The following CHRNA7 variants were observed in gnomAD, a reference collection of about 807,000 sequenced individuals.
The protein encoded by CHRNA7 is cholinergic receptor nicotinic alpha 7 subunit, also known as neuronal acetylcholine receptor subunit alpha-7.
In CHRNA7, 17 loss-of-function variants were observed where a neutral mutation model predicts 48.0. That is an observed-to-expected ratio of 0.35 (90% CI 0.24 to 0.53). The LOEUF (loss-of-function observed/expected upper bound fraction) is 0.53. CHRNA7 is among the 20% of genes least tolerant of loss of function. The probability of loss-of-function intolerance (pLI) is 0.92; values close to 1 mark genes in which losing one functional copy is unlikely to be tolerated. For synonymous variants in CHRNA7, 75 were observed against 242.3 expected (o/e 0.31, Z 6.41); for missense variants, 155 against 577.7 (o/e 0.27, Z 7.50).
chr15:32,082,437 C>G (rs1307781487), intron 2 of CHRNA7, among the ~76,000 whole-genome samples: 1 of 151,830 alleles, frequency 6.6e-6, no homozygotes. Flanking sequence ...TGTTCACAAT[C>G]TCCACCTGTA....
intron 4 of CHRNA7, among the ~76,000 whole-genome samples, chr15:32,144,666 G>C (rs1253969837): frequency 6.6e-6 from 1 of 152,042 alleles, no homozygotes; most frequent in East Asian, 1.9e-4. Flanking sequence ...TCATTAATTT[G>C]ATCTTCAAAC....
At chr15:32,144,891 T>C (rs1227891665) in intron 4 of CHRNA7, among the ~76,000 whole-genome samples, 2 of 152,168 alleles carry the variant, frequency 1.3e-5, no homozygotes, top group Admixed American at 6.5e-5. Flanking sequence ...AAGTTTCTTA[T>C]TGCCGACCTT....
At chr15:32,030,781 CG>C (rs1330334361) in intron 1 of CHRNA7, 116 bp from the exon 2 acceptor site, 3 of 1,504,418 alleles carry the variant, frequency 2.0e-6, no homozygotes, top group South Asian at 2.6e-5. Context: ...GGGGGCGCTG[CG>C]GGGGCTGCTT....
intron 2 of CHRNA7, among the ~76,000 whole-genome samples, chr15:32,089,549 C>T (rs1043745193): frequency 1.1e-4 from 11 of 96,318 alleles, no homozygotes; most frequent in Non-Finnish European, 1.8e-4. Context: ...TCTAGTATTT[C>T]CTTGCAATTC....
chr15:32,059,756 AG>A (rs1327103315), intron 2 of CHRNA7, among the ~76,000 whole-genome samples: 2 of 152,128 alleles, frequency 1.3e-5, no homozygotes, highest in East Asian at 1.9e-4. Context: ...GTTTTCTAAA[AG>A]CTTCTAGATT....
At chr15:32,046,282 C>A (rs551876539) in intron 2 of CHRNA7, among the ~76,000 whole-genome samples, 1 of 149,324 alleles carries the variant, frequency 6.7e-6, no homozygotes, top group African/African-American at 2.5e-5. Context: ...TACAGTCCCA[C>A]CAGCAGTGTA....
intron 2 of CHRNA7, among the ~76,000 whole-genome samples, chr15:32,082,293 C>T (rs1003479255): frequency 6.6e-6 from 1 of 151,980 alleles, no homozygotes; most frequent in African/African-American, 2.4e-5. Flanking sequence ...ACTTTTTCAA[C>T]TCCACCTTCT....
chr15:32,118,571 A>G (rs2050912276), intron 4 of CHRNA7, among the ~76,000 whole-genome samples: 1 of 152,198 alleles, frequency 6.6e-6, no homozygotes, highest in African/African-American at 2.4e-5. Context: ...GCATCTTCAA[A>G]GTCATCCTCC....
intron 2 of CHRNA7, among the ~76,000 whole-genome samples, chr15:32,041,779 A>G (rs925733802): frequency 1.3e-5 from 2 of 152,252 alleles, no homozygotes; most frequent in Non-Finnish European, 2.9e-5. Context: ...GCTGTATCCA[A>G]CCTACTAGTA....
At chr15:32,087,152 A>G (rs1428736619) in intron 2 of CHRNA7, among the ~76,000 whole-genome samples, 1 of 152,112 alleles carries the variant, frequency 6.6e-6, no homozygotes, top group Non-Finnish European at 1.5e-5. Flanking sequence ...CCATTTATTT[A>G]TTTAATCATT....
At chr15:32,044,786 G>A (rs925102360) in intron 2 of CHRNA7, among the ~76,000 whole-genome samples, 1 of 152,194 alleles carries the variant, frequency 6.6e-6, no homozygotes, top group African/African-American at 2.4e-5. Flanking sequence ...CAGGGAAGAG[G>A]CTAGGGATGC....
chr15:32,122,528 C>T (rs960739893), intron 4 of CHRNA7, among the ~76,000 whole-genome samples: 1 of 151,894 alleles, frequency 6.6e-6, no homozygotes, highest in African/African-American at 2.4e-5. Flanking sequence ...TGTGTTGTTT[C>T]CTTTATGGAT....
intron 2 of CHRNA7, among the ~76,000 whole-genome samples, chr15:32,058,366 C>T (rs761318868): frequency 1.8e-4 from 28 of 152,282 alleles, no homozygotes; most frequent in East Asian, 1.3e-3. Flanking sequence ...CAGTTATGGG[C>T]ATTGGATTAA....
rs973353245 is a variant in CHRNA7, at chr15:32,031,574, G to C, written c.195+537G>C. ...GTGACCCCATCTTAGGAATGGGCAT[G>C]CTTTGCCTTCCTGGTGAGGACAGGT... On this transcript the variant is annotated intron_variant, in intron 2 of 9. Transcript: ENST00000306901. Among the ~76,000 whole-genome samples, 3 of 152,316 alleles carry C rather than the reference G, an allele frequency of 2.0e-5. No individual in the cohort carries two copies. In the East Asian group the frequency reaches 5.8e-4, roughly 29 times the overall value.
intron 4 of CHRNA7, chr15:32,112,395 T>G: frequency 2.2e-6 from 1 of 456,756 alleles, no homozygotes; most frequent in South Asian, 1.5e-5. Flanking sequence ...TCTAGCTGCA[T>G]GCAGAAACTT....
chr15:32,103,024 AT>A (rs1043345390), intron 3 of CHRNA7: 1 of 152,178 alleles, frequency 6.6e-6, no homozygotes, highest in African/African-American at 2.4e-5. Context: ...TGAATTGACC[AT>A]TTGTTTGGTT....
At chr15:32,148,379 C>T (rs183135826) in intron 4 of CHRNA7, among the ~76,000 whole-genome samples, 2 of 152,146 alleles carry the variant, frequency 1.3e-5, no homozygotes, top group African/African-American at 2.4e-5. Context: ...TCTGTGGAGG[C>T]ACAATCACTC....
chr15:32,081,645 A>G (rs528978564), intron 2 of CHRNA7, among the ~76,000 whole-genome samples: 25 of 152,088 alleles, frequency 1.6e-4, no homozygotes, highest in Admixed American at 1.2e-3. Flanking sequence ...TAGAAACTTT[A>G]CCTCCCTTTA....
chr15:32,080,431 A>G (rs1488801997), intron 2 of CHRNA7, among the ~76,000 whole-genome samples: 3 of 152,296 alleles, frequency 2.0e-5, no homozygotes, highest in South Asian at 2.1e-4. Flanking sequence ...TCTACAATGA[A>G]CTAAACAAAT....
Sources: gnomAD v4.1 joint callset for allele counts (sites outside exome capture counted in the v4.1 genomes callset) on GRCh38, gnomAD v4.1.1 for gene constraint, MANE v1.5 for transcripts, NCBI Gene and HGNC (gene_info 2026-07-23, HGNC 2026-07-21) for gene names.